ATRNL1: variants seen among roughly 807,000 people sequenced by gnomAD.
The protein encoded by ATRNL1 is attractin-like protein 1.
In ATRNL1, 95 loss-of-function variants were observed where a neutral mutation model predicts 182.7. The observed-to-expected ratio is 0.52, with a 90% CI of 0.44 to 0.62. ATRNL1 has a LOEUF of 0.62. ATRNL1 is among the 20% of genes least tolerant of loss of function. The pLI is 0.00. For synonymous variants in ATRNL1, 576 were observed against 568.3 expected (o/e 1.01, Z -0.19); for missense variants, 1,471 against 1,679.5 (o/e 0.88, Z 2.17).
chr10:115,425,717 T>C (rs868937888), intron 20 of ATRNL1, among the ~76,000 whole-genome samples: 1 of 152,050 alleles, frequency 6.6e-6, no homozygotes, highest in African/African-American at 2.4e-5. Context: ...TAGAGAAACC[T>C]TTTTTTCCAA....
intron 20 of ATRNL1, among the ~76,000 whole-genome samples, chr10:115,423,812 G>A (rs1411970644): frequency 6.6e-6 from 1 of 152,148 alleles, no homozygotes; most frequent in South Asian, 2.1e-4. Context: ...CAAAATGTGA[G>A]ACTACTGGAA....
chr10:115,418,399 G>A (rs1845500017), intron 20 of ATRNL1, among the ~76,000 whole-genome samples: 1 of 152,164 alleles, frequency 6.6e-6, no homozygotes, highest in Non-Finnish European at 1.5e-5. Flanking sequence ...TGAGAACATA[G>A]TCAGAGGTGA....
chr10:115,105,716 G>C (rs1021707016), intron 1 of ATRNL1, among the ~76,000 whole-genome samples: 31 of 152,226 alleles, frequency 2.0e-4, no homozygotes, highest in African/African-American at 7.5e-4. Context: ...GGCTTCAGAG[G>C]GTGCAAGCTC....
chr10:115,421,823 G>A (rs1435599352), intron 20 of ATRNL1, among the ~76,000 whole-genome samples: 1 of 152,118 alleles, frequency 6.6e-6, no homozygotes, highest in African/African-American at 2.4e-5. Context: ...AACCAAAACA[G>A]GATGGTACTT....
At chr10:115,650,022 A>T (rs1213827367) in intron 26 of ATRNL1, among the ~76,000 whole-genome samples, 1 of 152,154 alleles carries the variant, frequency 6.6e-6, no homozygotes, top group Non-Finnish European at 1.5e-5. Context: ...ATGTTTCTTT[A>T]CAAAGTATCT....
intron 27 of ATRNL1, among the ~76,000 whole-genome samples, chr10:115,823,857 G>A (rs1555091189): frequency 6.6e-6 from 1 of 152,158 alleles, no homozygotes; most frequent in African/African-American, 2.4e-5. Context: ...ACTGCCCAAA[G>A]TAATTTGTAG....
chr10:115,451,274 T>G (rs1287244328), intron 21 of ATRNL1, among the ~76,000 whole-genome samples: 1 of 152,128 alleles, frequency 6.6e-6, no homozygotes, highest in Non-Finnish European at 1.5e-5. Context: ...ACAAGTTGGA[T>G]CTAATTAAAG....
chr10:115,461,747 A>G (rs1249545289), intron 21 of ATRNL1, among the ~76,000 whole-genome samples, 194 bp from the exon 22 acceptor site: 2 of 152,114 alleles, frequency 1.3e-5, no homozygotes, highest in Non-Finnish European at 2.9e-5. Flanking sequence ...AGGAATTAGT[A>G]CTTCTTCCAT....
intron 9 of ATRNL1, among the ~76,000 whole-genome samples, chr10:115,239,048 C>A (rs553194181): frequency 6.6e-6 from 1 of 152,150 alleles, no homozygotes; most frequent in African/African-American, 2.4e-5. Context: ...GAATGTTGAA[C>A]CAGCCTAGCA....
intron 27 of ATRNL1, among the ~76,000 whole-genome samples, chr10:115,730,631 C>T (rs1001638467): frequency 1.6e-4 from 25 of 151,924 alleles, no homozygotes; most frequent in African/African-American, 5.8e-4. Flanking sequence ...TTTGCTAGAT[C>T]GGCAGTTGAG....
At chr10:115,841,256 A>C (rs1031441360) in intron 27 of ATRNL1, among the ~76,000 whole-genome samples, 1 of 152,098 alleles carries the variant, frequency 6.6e-6, no homozygotes. Context: ...AATAGGTGAT[A>C]AAACTGAAGC....
intron 15 of ATRNL1, among the ~76,000 whole-genome samples, chr10:115,292,941 G>A (rs1852988219): frequency 6.6e-6 from 1 of 152,124 alleles, no homozygotes; most frequent in Admixed American, 6.5e-5. Context: ...GTCCAATGCT[G>A]AGAGCATGGT....
chr10:115,152,812 TC>T (rs1846304910), intron 5 of ATRNL1, among the ~76,000 whole-genome samples: 1 of 152,162 alleles, frequency 6.6e-6, no homozygotes, highest in Non-Finnish European at 1.5e-5. Context: ...AGGGAATGCT[TC>T]CAGTTTTTGC....
intron 28 of ATRNL1, among the ~76,000 whole-genome samples, chr10:115,929,931 G>A (rs1953345287): frequency 6.6e-6 from 1 of 152,100 alleles, no homozygotes; most frequent in South Asian, 2.1e-4. Context: ...GGAAGGTTAA[G>A]CAACCTGTGA....
At chr10:115,754,000 T>G (rs1268247399) in intron 27 of ATRNL1, among the ~76,000 whole-genome samples, 2 of 152,212 alleles carry the variant, frequency 1.3e-5, no homozygotes, top group African/African-American at 4.8e-5. Context: ...GTTGATATCC[T>G]TCACCCACTT....
intron 26 of ATRNL1, among the ~76,000 whole-genome samples, chr10:115,725,766 G>A (rs989271672): frequency 6.6e-6 from 1 of 152,070 alleles, no homozygotes; most frequent in African/African-American, 2.4e-5. Context: ...CATTATGTTT[G>A]CATTTTGCAT....
intron 8 of ATRNL1, among the ~76,000 whole-genome samples, chr10:115,197,499 A>G (rs1554891309): frequency 6.6e-6 from 1 of 152,112 alleles, no homozygotes; most frequent in African/African-American, 2.4e-5. Flanking sequence ...TGTGAGAATG[A>G]TTTTAATTAT....
chr10:115,609,410 T>G (rs572698356), intron 26 of ATRNL1, among the ~76,000 whole-genome samples: 1 of 152,002 alleles, frequency 6.6e-6, no homozygotes, highest in African/African-American at 2.4e-5. Context: ...AACTCCTGAG[T>G]TGAAGTAATA....
intron 28 of ATRNL1, among the ~76,000 whole-genome samples, chr10:115,907,182 C>A (rs2134508986): frequency 6.6e-6 from 1 of 152,328 alleles, no homozygotes. Context: ...CTTTAATGTC[C>A]ATTCTCTTGA....
Sources: allele counts gnomAD v4.1 joint callset (sites outside exome capture counted in the v4.1 genomes callset), GRCh38; gene constraint gnomAD v4.1.1; transcripts MANE v1.5; gene names NCBI Gene and HGNC (gene_info 2026-07-23, HGNC 2026-07-21).